SPAG9: variants seen among roughly 807,000 people sequenced by gnomAD.
SPAG9 encodes sperm associated antigen 9.
Under a neutral mutation model 166.5 loss-of-function variants are expected in SPAG9, and 35 were observed. The observed-to-expected ratio is 0.21, with a 90% CI of 0.16 to 0.28. SPAG9 has a LOEUF of 0.28. SPAG9 is among the 10% of genes least tolerant of loss of function. SPAG9 has a pLI of 1.00. For synonymous variants in SPAG9, 534 were observed against 565.5 expected, an observed-to-expected ratio of 0.94 and a Z score of 0.79; for missense variants, 1,235 against 1,603.3, an observed-to-expected ratio of 0.77 and a Z score of 3.92.
chr17:51,025,018 C>CA (rs578089840), intron 6 of SPAG9, among the ~76,000 whole-genome samples: 29,013 of 124,826 alleles, frequency 0.23, 3,269 homozygotes, highest in African/African-American at 0.34. Flanking sequence ...GACTTCATCT[C>CA]AAAAAAAAAA....
Position 50,977,089 on chromosome 17 carries a change from T to A in SPAG9, c.3523+19A>T. On this transcript the variant is annotated intron_variant, in intron 27 of 29. Coordinates refer to ENST00000262013, the MANE Select transcript of SPAG9 (RefSeq NM_001130528.3). The stretch of plus-strand genomic sequence containing the variant: ...ATTCTCCTATTTGTTCCATGGCAGT[T>A]ATCTAAAAATATACTTACTTTCTGT... 1 of 1,409,366 alleles carries A rather than the reference T, an allele frequency of 7.1e-7. No homozygotes were observed. Among genetic ancestry groups the A allele is most frequent in the Non-Finnish European group, 1.0e-6 (1 of 996,162 alleles). 87.3% of individuals were successfully genotyped at this position (1,409,366 alleles called of 1,614,324 possible). A position where few individuals can be genotyped will look rare whatever the true frequency, so the allele number is the denominator to read the frequency against.
At chr17:51,048,753 A>G (rs916379537) in intron 3 of SPAG9, among the ~76,000 whole-genome samples, 2 of 152,220 alleles carry the variant, frequency 1.3e-5, no homozygotes, top group Non-Finnish European at 2.9e-5. Context: ...CTGAACTCTG[A>G]TGCATGAAAT....
At chr17:51,004,530 G>A (rs1213197314) in intron 12 of SPAG9, among the ~76,000 whole-genome samples, 2 of 152,152 alleles carry the variant, frequency 1.3e-5, no homozygotes, top group South Asian at 2.1e-4. Context: ...CTAAAGCCAA[G>A]AATTAGAGAC....
At chr17:51,055,354 C>CAT (rs1555651027) in intron 3 of SPAG9, among the ~76,000 whole-genome samples, 1 of 140,974 alleles carries the variant, frequency 7.1e-6, no homozygotes, top group Admixed American at 7.5e-5. Flanking sequence ...CTCTCTCTCT[C>CAT]ACACACACAC....
At chr17:51,031,392 C>A in intron 6 of SPAG9, 1 of 416,142 alleles carries the variant, frequency 2.4e-6, no homozygotes, top group Non-Finnish European at 4.4e-6. Flanking sequence ...GAAAGTATAC[C>A]ATTACATAGA....
rs1343499457 is a variant in SPAG9 at position 50,978,560 on chromosome 17, T to C, written c.3409+1186A>G. Among the ~76,000 whole-genome samples, 5 of 151,908 alleles carry C rather than the reference T, an allele frequency of 3.3e-5. No individual in the cohort carries two copies. The East Asian group carries it at 9.6e-4, about 29-fold the overall frequency. The stretch of plus-strand genomic sequence containing the variant: ...GGGCTTAGGGTCTGTAGGGGAGAGA[T>C]TATAAACAAGAATCACATAAGACTG... On this transcript the variant is annotated intron_variant, in intron 26 of 29. Transcript: ENST00000262013.
intron 1 of SPAG9, among the ~76,000 whole-genome samples, chr17:51,094,667 A>AT (rs777526585): frequency 2.1e-4 from 32 of 152,302 alleles, no homozygotes; most frequent in Middle Eastern, 6.8e-3. Flanking sequence ...CCCTAATGAT[A>AT]TAATAAGGAA....
chr17:51,083,807 G>C (rs539427525), intron 1 of SPAG9, among the ~76,000 whole-genome samples: 1 of 152,006 alleles, frequency 6.6e-6, no homozygotes, highest in East Asian at 1.9e-4. Context: ...TTGGAAATTT[G>C]ATCCATCTAT....
chr17:51,098,063 A>G (rs533134445), intron 1 of SPAG9, among the ~76,000 whole-genome samples: 2 of 152,212 alleles, frequency 1.3e-5, no homozygotes, highest in Admixed American at 6.5e-5. Flanking sequence ...GGCTCAAGCA[A>G]TCCACCTGCC....
intron 21 of SPAG9, 85 bp downstream of exon 21, chr17:50,989,592 A>T (rs1975366291): frequency 9.5e-7 from 1 of 1,056,426 alleles, no homozygotes; most frequent in Non-Finnish European, 1.4e-6. Flanking sequence ...AATTAGTGGA[A>T]ATCTTTTGAC....
chr17:51,041,614 G>C lies in SPAG9; in HGVS notation c.628C>G (p.Pro210Ala). Residue 210 changes from proline (P) to alanine (A), a missense_variant, in exon 5 of 30, where the codon CCT becomes GCT. Physicochemically the swap from Pro to Ala is conservative, Grantham distance 27. Transcript: ENST00000262013. ...GGTGTAAGCAATCCATCTCCAGCAGGTAATGGGAAAATTCCTAATGATATA... is the reference window on the plus strand; with the variant it reads ...GGTGTAAGCAATCCATCTCCAGCAGCTAATGGGAAAATTCCTAATGATATA... ...RPISLGIFPL[P>A]AGDGLLTPDA... The C allele has an allele frequency of 6.2e-7, 1 of 1,613,832 alleles. No individual in the cohort carries two copies. Among genetic ancestry groups the C allele is most frequent in the Non-Finnish European group, 8.5e-7 (1 of 1,179,816 alleles).
intron 1 of SPAG9, among the ~76,000 whole-genome samples, chr17:51,106,315 T>C (rs2048949290): frequency 6.6e-6 from 1 of 151,794 alleles, no homozygotes; most frequent in South Asian, 2.1e-4. Context: ...AATAAATAGA[T>C]AAAATAAAAT....
At chr17:51,058,671 C>A (rs1000887556) in intron 2 of SPAG9, among the ~76,000 whole-genome samples, 2 of 152,178 alleles carry the variant, frequency 1.3e-5, no homozygotes, top group African/African-American at 4.8e-5. Flanking sequence ...GGGCATCAAA[C>A]TGCCAAGCAA....
chr17:51,000,930 G>A (rs1184218840), intron 13 of SPAG9, among the ~76,000 whole-genome samples: 3 of 152,042 alleles, frequency 2.0e-5, no homozygotes. Context: ...TCTTCCTTAT[G>A]GGCAGTTATA....
chr17:51,013,035 T>C (rs1385354835), intron 9 of SPAG9, among the ~76,000 whole-genome samples: 1 of 152,148 alleles, frequency 6.6e-6, no homozygotes, highest in East Asian at 1.9e-4. Flanking sequence ...CCGGCCTAGA[T>C]AGACATTTAG....
At chr17:51,062,558 C>G (rs2047545636) in intron 2 of SPAG9, among the ~76,000 whole-genome samples, 1 of 152,110 alleles carries the variant, frequency 6.6e-6, no homozygotes, top group South Asian at 2.1e-4. Flanking sequence ...GCTTCTTTCA[C>G]TTAGTAATAT....
intron 21 of SPAG9, among the ~76,000 whole-genome samples, chr17:50,989,040 A>C (rs1447468184): frequency 1.3e-5 from 2 of 152,122 alleles, no homozygotes; most frequent in Non-Finnish European, 2.9e-5. Context: ...GACAGTAAGT[A>C]CAAAAAAAAA....
intron 1 of SPAG9, among the ~76,000 whole-genome samples, chr17:51,090,279 T>C (rs910631090): frequency 1.3e-5 from 2 of 152,072 alleles, no homozygotes; most frequent in African/African-American, 2.4e-5. Context: ...CCCAGCATTT[T>C]TGGGAGGCCG....
intron 1 of SPAG9, among the ~76,000 whole-genome samples, chr17:51,096,015 A>C: frequency 1.0e-5 from 1 of 100,410 alleles, no homozygotes. Flanking sequence ...TGATATATAT[A>C]TATAGTGATA....
Sources: gnomAD v4.1 joint callset for allele counts (sites outside exome capture counted in the v4.1 genomes callset) on GRCh38, gnomAD v4.1.1 for gene constraint, MANE v1.5 for transcripts, NCBI Gene and HGNC (gene_info 2026-07-23, HGNC 2026-07-21) for gene names.